Variants in DOCK5 observed in about 807,000 individuals in gnomAD.
DOCK5 encodes dedicator of cytokinesis protein 5.
DOCK5 carries 142 observed loss-of-function variants against 251.8 expected under a neutral mutation model. The observed-to-expected ratio is 0.56, with a 90% CI of 0.49 to 0.65. DOCK5 has a LOEUF of 0.65. Among genes scored for constraint, DOCK5 ranks in the 30% least tolerant of loss-of-function variants. The pLI, the probability that DOCK5 is intolerant of heterozygous loss-of-function variation, is 0.00. For synonymous variants in DOCK5, 842 were observed against 835.5 expected (o/e 1.01, Z -0.13); for missense variants, 2,111 against 2,312.3 (o/e 0.91, Z 1.79).
At chr8:25,300,406 G>A (rs1227397363) in intron 8 of DOCK5, among the ~76,000 whole-genome samples, 170 bp from the exon 9 acceptor site, 1 of 152,158 alleles carries the variant, frequency 6.6e-6, no homozygotes, top group Non-Finnish European at 1.5e-5. Context: ...CCCAGCAGTG[G>A]CCATCTGTGT....
chr8:25,371,414 A>T (rs1051450518), intron 34 of DOCK5, among the ~76,000 whole-genome samples: 6 of 152,140 alleles, frequency 3.9e-5, no homozygotes, highest in African/African-American at 4.8e-5. Context: ...ATTGCAGTGA[A>T]CTGAGATTGC....
intron 2 of DOCK5, among the ~76,000 whole-genome samples, chr8:25,254,619 C>A (rs1803361767): frequency 6.6e-6 from 1 of 151,272 alleles, no homozygotes. Flanking sequence ...ACTAAAAATG[C>A]TAAAAATTAG....
chr8:25,301,181 T>C lies in DOCK5; in HGVS notation c.846+524T>C, dbSNP rs570447920. On this transcript the variant is annotated intron_variant, in intron 9 of 51. Transcript: ENST00000276440. Reference sequence around the variant, plus strand: ...TATGTATAGGAAAAAACAGCACATATAGAGTTCGGTACTGTCTTTGGTTTC... The same window carrying C: ...TATGTATAGGAAAAAACAGCACATACAGAGTTCGGTACTGTCTTTGGTTTC... 3.9e-5 allele frequency among the ~76,000 whole-genome samples: 6 copies of C among 152,338 alleles called. No homozygotes were observed. The East Asian group carries it at 5.8e-4, about 15-fold the overall frequency.
chr8:25,245,551 T>C (rs1803076627), intron 2 of DOCK5, among the ~76,000 whole-genome samples: 1 of 150,800 alleles, frequency 6.6e-6, no homozygotes, highest in South Asian at 2.1e-4. Flanking sequence ...CTTTTTTTTT[T>C]TTTTTTGAGA....
intron 1 of DOCK5, among the ~76,000 whole-genome samples, chr8:25,235,900 C>T (rs911374147): frequency 2.0e-5 from 3 of 148,590 alleles, no homozygotes; most frequent in Non-Finnish European, 4.4e-5. Flanking sequence ...TAGATTCAAG[C>T]GATTCTCATG....
chr8:25,359,390 G>GT (rs1338360809), intron 28 of DOCK5, among the ~76,000 whole-genome samples: 44 of 87,674 alleles, frequency 5.0e-4, no homozygotes, highest in African/African-American at 1.6e-3. Context: ...ACTACTCATG[G>GT]CAAGGATTTT....
At chr8:25,199,380 C>CT (rs564264937) in intron 1 of DOCK5, among the ~76,000 whole-genome samples, 80,976 of 117,448 alleles carry the variant, frequency 0.69, 29,572 homozygotes, top group Admixed American at 0.79. Context: ...CCGCTCTGTT[C>CT]TTTTTTTTTT....
At chr8:25,287,297 G>A (rs2320889) in intron 5 of DOCK5, among the ~76,000 whole-genome samples, 20,660 of 152,144 alleles carry the variant, frequency 0.14, 1,627 homozygotes, top group Admixed American at 0.25. Flanking sequence ...TGTGTGGTGT[G>A]TGCCTGTGAT....
chr8:25,354,042 AAAAAAACAAAC>A lies in DOCK5; in HGVS notation c.2850+2223_2850+2233del, dbSNP rs1412497657. Among the ~76,000 whole-genome samples, 888 of 114,908 alleles carry A rather than the reference AAAAAAACAAAC, an allele frequency of 7.7e-3. 53 individuals carry two copies. The highest frequency in any genetic ancestry group is 0.017 in the East Asian group (65 of 3,848). The allele number at this position is 114,908 out of a possible 152,430, so 75.4% of individuals were successfully genotyped here. ...GACTTTGTCTTAAAAAAAAAAAAAA[AAAAAAACAAAC>A]AAAAAAAAAAACGTAGGAGAGAAAA... On this transcript the variant is annotated intron_variant, in intron 27 of 51. Transcript: ENST00000276440.
intron 5 of DOCK5, among the ~76,000 whole-genome samples, chr8:25,291,737 C>T (rs1350912475): frequency 6.7e-6 from 1 of 150,150 alleles, no homozygotes; most frequent in Admixed American, 6.7e-5. Context: ...CTTATAATCC[C>T]AGCACTTTGG....
chr8:25,345,395 G>T (rs534836346), intron 25 of DOCK5, 80 bp from the exon 26 acceptor site: 1 of 1,572,112 alleles, frequency 6.4e-7, no homozygotes, highest in Non-Finnish European at 8.6e-7. Flanking sequence ...GGTACTGGTC[G>T]AGGAAGAGTT....
intron 26 of DOCK5, among the ~76,000 whole-genome samples, chr8:25,346,433 A>G (rs1479930606): frequency 6.6e-6 from 1 of 152,188 alleles, no homozygotes; most frequent in Non-Finnish European, 1.5e-5. Context: ...TCTCATTTCC[A>G]TATCCTCTTG....
chr8:25,217,964 A>C (rs1264053807), intron 1 of DOCK5, among the ~76,000 whole-genome samples: 1 of 152,234 alleles, frequency 6.6e-6, no homozygotes, highest in Non-Finnish European at 1.5e-5. Context: ...ATTACTATAA[A>C]GAAATCAATT....
intron 40 of DOCK5, among the ~76,000 whole-genome samples, chr8:25,387,520 T>C (rs1180829366): frequency 1.3e-5 from 2 of 152,220 alleles, no homozygotes; most frequent in African/African-American, 2.4e-5. Context: ...CTTCTTCTGC[T>C]CAGTCCAGCC....
At chr8:25,374,936 T>C in intron 37 of DOCK5, 1 of 1,244,934 alleles carries the variant, frequency 8.0e-7, no homozygotes, top group Non-Finnish European at 1.0e-6. Context: ...CATTGATGAA[T>C]ACATAAAAAA....
chr8:25,253,454 G>A (rs1406340624), intron 2 of DOCK5, among the ~76,000 whole-genome samples: 3 of 152,166 alleles, frequency 2.0e-5, no homozygotes, highest in Admixed American at 6.5e-5. Context: ...GCTCACAGCT[G>A]TCTTCACACC....
At chr8:25,306,688 C>T (rs138514518) in intron 11 of DOCK5, among the ~76,000 whole-genome samples, 4,389 of 149,202 alleles carry the variant, frequency 0.029, 228 homozygotes, top group African/African-American at 0.1. Context: ...AGCGAGACTC[C>T]GTCTGAAAAA....
At chr8:25,345,656 C>G in intron 26 of DOCK5, 45 bp downstream of exon 26, 1 of 1,605,054 alleles carries the variant, frequency 6.2e-7, no homozygotes. Flanking sequence ...CACACTGTCC[C>G]CTTTGCACCA....
rs1318678258 is a variant in DOCK5 at position 25,213,042 on chromosome 8, GGTGGACGA to G, written c.43+28094_43+28101del. Among the ~76,000 whole-genome samples, 2 of 25,890 alleles carry G rather than the reference GGTGGACGA, an allele frequency of 7.7e-5. 1 individual carries two copies. Among genetic ancestry groups the G allele is most frequent in the East Asian group, 1.5e-3 (2 of 1,296 alleles). The allele number at this position is 25,890 out of a possible 152,430, so 17.0% of individuals were successfully genotyped here. A position where few individuals can be genotyped will look rare whatever the true frequency, so the allele number is the denominator to read the frequency against. ...TTGGAGGTTGCCTACAATGGTCATGGGTGGACGAGTTTGTTGGAAAAGCCCCCGTGACT... is the reference window on the plus strand; with the variant it reads ...TTGGAGGTTGCCTACAATGGTCATGGGTTTGTTGGAAAAGCCCCCGTGACT... On this transcript the variant is annotated intron_variant, in intron 1 of 51. Transcript: ENST00000276440.
Sources: allele counts gnomAD v4.1 joint callset (sites outside exome capture counted in the v4.1 genomes callset), GRCh38; gene constraint gnomAD v4.1.1; transcripts MANE v1.5; gene names NCBI Gene and HGNC (gene_info 2026-07-23, HGNC 2026-07-21).